The following VPS8 variants were observed in gnomAD, a reference collection of about 807,000 sequenced individuals.
VPS8 encodes VPS8 subunit of CORVET complex.
VPS8 carries 129 observed loss-of-function variants against 216.4 expected under a neutral mutation model. The ratio of observed to expected loss-of-function variants is 0.60; its 90% CI spans 0.52 to 0.69. VPS8 has a LOEUF of 0.69. VPS8 is among the 30% of genes least tolerant of loss of function. The pLI is 0.00. For synonymous variants in VPS8, 571 were observed against 565.4 expected, an observed-to-expected ratio of 1.01 and a Z score of -0.14; for missense variants, 1,531 against 1,683.5, an observed-to-expected ratio of 0.91 and a Z score of 1.59.
intron 46 of VPS8, among the ~76,000 whole-genome samples, chr3:185,047,751 G>A (rs961271963): frequency 1.3e-5 from 2 of 152,086 alleles, no homozygotes; most frequent in African/African-American, 4.8e-5. Context: ...TGAGGCAATT[G>A]AGGCTTAGAG....
chr3:184,955,297 G>A (rs540154525), intron 36 of VPS8, among the ~76,000 whole-genome samples: 8 of 152,246 alleles, frequency 5.3e-5, no homozygotes, highest in African/African-American at 1.7e-4. Flanking sequence ...TTTGAAGTTC[G>A]TAGTAGATAG....
At chr3:184,910,126 C>CTTT (rs1353654654) in intron 25 of VPS8, among the ~76,000 whole-genome samples, 5 of 131,532 alleles carry the variant, frequency 3.8e-5, no homozygotes, top group South Asian at 2.4e-4. Context: ...CAAGATTCTC[C>CTTT]TATTTTTTTT....
rs185301008 is a variant in VPS8, at chr3:184,968,903, G to A, written c.3316+2190G>A. ...TTACTTACCTATATTTTTGTATTAA[G>A]GTCCTAGATGATAGGGTCTATGTTG... On this transcript the variant is annotated intron_variant, in intron 39 of 47. Coordinates refer to ENST00000625842, the MANE Select transcript of VPS8 (RefSeq NM_001009921.3). Among the ~76,000 whole-genome samples, 7 of 152,130 alleles carry A rather than the reference G, an allele frequency of 4.6e-5. No individual in the cohort carries two copies. In the East Asian group the frequency reaches 1.4e-3, roughly 29 times the overall value.
chr3:184,958,203 G>A (rs1745940750), intron 37 of VPS8, among the ~76,000 whole-genome samples: 1 of 152,150 alleles, frequency 6.6e-6, no homozygotes, highest in African/African-American at 2.4e-5. Context: ...TCATAGATTG[G>A]AACAAGTGGA....
At chr3:185,034,862 A>G (rs1181909605) in intron 46 of VPS8, among the ~76,000 whole-genome samples, 1 of 152,212 alleles carries the variant, frequency 6.6e-6, no homozygotes, top group Non-Finnish European at 1.5e-5. Context: ...AGCTAGGTTA[A>G]CAAAGAAAAA....
rs1718275910 is a variant in VPS8 at position 184,824,433 on chromosome 3, G to A, written c.-88-112G>A. On this transcript the variant is annotated intron_variant, in intron 1 of 47. Coordinates refer to ENST00000625842, the MANE Select transcript of VPS8 (RefSeq NM_001009921.3). ...TGTTAATTTCAGTTTGCCTGCAATC[G>A]GATGTTTAGGTGAAATCTGACCAAG... The A allele has an allele frequency of 8.8e-6, 5 of 566,956 alleles. No homozygotes were observed. In the South Asian group the frequency reaches 9.5e-5, roughly 11 times the overall value. 35.1% of individuals were successfully genotyped at this position (566,956 alleles called of 1,614,324 possible).
chr3:185,003,466 G>A (rs1432760298), intron 45 of VPS8, among the ~76,000 whole-genome samples: 8 of 144,718 alleles, frequency 5.5e-5, no homozygotes, highest in Non-Finnish European at 1.2e-4. Flanking sequence ...GCACAGGGTT[G>A]GGGGTAAGGT....
At chr3:184,880,486 A>C (rs532442231) in intron 21 of VPS8, among the ~76,000 whole-genome samples, 1 of 152,342 alleles carries the variant, frequency 6.6e-6, no homozygotes, top group South Asian at 2.1e-4. Flanking sequence ...GTTGTTGCAC[A>C]TATCAGTAGT....
chr3:185,010,587 T>G (rs1188970214), intron 45 of VPS8, among the ~76,000 whole-genome samples: 1 of 151,996 alleles, frequency 6.6e-6, no homozygotes, highest in Non-Finnish European at 1.5e-5. Flanking sequence ...AACTACAATG[T>G]CTGAGATGAA....
chr3:184,826,628 A>G (rs913117141), intron 3 of VPS8, among the ~76,000 whole-genome samples: 7 of 152,340 alleles, frequency 4.6e-5, no homozygotes, highest in African/African-American at 1.4e-4. Flanking sequence ...ACTTTAAAAT[A>G]TATTTTATTA....
chr3:184,940,670 C>T (rs1371622111), intron 36 of VPS8, among the ~76,000 whole-genome samples: 1 of 152,084 alleles, frequency 6.6e-6, no homozygotes, highest in Non-Finnish European at 1.5e-5. Context: ...TAAACTCTGA[C>T]TTAATATGTT....
rs570253029 is a variant in VPS8, at chr3:184,889,958, A to G, written c.1781+3802A>G. On this transcript the variant is annotated intron_variant, in intron 22 of 47. Transcript: ENST00000625842. ...CATGCAATGACTAAAGATTTATTAG[A>G]TACAAGAATTCTATGTTTAATTAAA... is the stretch of plus-strand genomic sequence containing the variant. 3.9e-5 allele frequency among the ~76,000 whole-genome samples: 6 copies of G among 152,316 alleles called. No individual in the cohort carries two copies. The East Asian group carries it at 9.6e-4, about 24-fold the overall frequency.
At chr3:185,030,002 A>C (rs1301570483) in intron 46 of VPS8, among the ~76,000 whole-genome samples, 1 of 152,206 alleles carries the variant, frequency 6.6e-6, no homozygotes, top group East Asian at 1.9e-4. Flanking sequence ...TCTAATTGAT[A>C]ATTTCAGTAA....
intron 22 of VPS8, chr3:184,893,305 T>TG (rs1441201295): frequency 1.6e-6 from 2 of 1,287,368 alleles, no homozygotes; most frequent in Admixed American, 4.6e-5. Flanking sequence ...GAACTTGTCA[T>TG]GAAAGACCAT....
intron 46 of VPS8, among the ~76,000 whole-genome samples, chr3:185,046,296 T>G (rs893657182): frequency 1.3e-5 from 2 of 152,244 alleles, no homozygotes; most frequent in African/African-American, 4.8e-5. Flanking sequence ...CTGTTACTTA[T>G]CTTCAGGGCT....
intron 37 of VPS8, among the ~76,000 whole-genome samples, chr3:184,961,847 A>G (rs1393904689): frequency 1.3e-5 from 2 of 150,956 alleles, no homozygotes; most frequent in Admixed American, 6.6e-5. Flanking sequence ...GCTCACTGCA[A>G]CCTCCACCTC....
intron 29 of VPS8, among the ~76,000 whole-genome samples, chr3:184,923,010 T>C (rs908961879): frequency 2.6e-5 from 4 of 152,100 alleles, no homozygotes; most frequent in Admixed American, 6.5e-5. Context: ...TACCCACATA[T>C]TCTAATAATA....
chr3:185,037,681 C>T (rs1179285797), intron 46 of VPS8, among the ~76,000 whole-genome samples: 2 of 152,134 alleles, frequency 1.3e-5, no homozygotes, highest in African/African-American at 4.8e-5. Flanking sequence ...GTTCAGCTTG[C>T]ATGATCTCTA....
At chr3:184,867,772 G>A (rs554724447) in intron 17 of VPS8, among the ~76,000 whole-genome samples, 18 of 152,274 alleles carry the variant, frequency 1.2e-4, no homozygotes, top group African/African-American at 3.9e-4. Context: ...TTTGAACCCC[G>A]GAGGTGGAGG....
Sources: allele counts gnomAD v4.1 joint callset (sites outside exome capture counted in the v4.1 genomes callset), GRCh38; gene constraint gnomAD v4.1.1; transcripts MANE v1.5; gene names NCBI Gene and HGNC (gene_info 2026-07-23, HGNC 2026-07-21).